Variants in SGCD observed in about 807,000 individuals in gnomAD.
SGCD encodes the protein delta-sarcoglycan.
In SGCD, 18 loss-of-function variants were observed where a neutral mutation model predicts 36.6. That is an observed-to-expected ratio of 0.49 (90% CI 0.34 to 0.73). SGCD has a LOEUF of 0.73. SGCD is among the 30% of genes least tolerant of loss of function. SGCD has a pLI of 0.01. For synonymous variants in SGCD, 133 were observed against 130.6 expected (o/e 1.02, Z -0.12); for missense variants, 387 against 346.7 (o/e 1.12, Z -0.92).
intron 1 of SGCD, among the ~76,000 whole-genome samples, chr5:155,917,538 A>G (rs1414347210): frequency 6.6e-6 from 1 of 152,248 alleles, no homozygotes; most frequent in East Asian, 1.9e-4. Flanking sequence ...CAATGGAAAT[A>G]AAACATACAG....
intron 1 of SGCD, among the ~76,000 whole-genome samples, chr5:155,941,149 T>C (rs1470078463): frequency 6.6e-6 from 1 of 152,170 alleles, no homozygotes; most frequent in Non-Finnish European, 1.5e-5. Context: ...AGAGCCGAAC[T>C]GACTTTTATA....
rs60414987 is a variant in SGCD at position 156,524,094 on chromosome 5, CTATATATATATA to C, written c.294+15434_294+15445del. On this transcript the variant is annotated intron_variant, in intron 4 of 8. Transcript: ENST00000337851. ...ATGGATGATGATAAGTGAGGTCTTA[CTATATATATATA>C]TATATATATATATATATATATATAT... is the stretch of plus-strand genomic sequence containing the variant. Among the ~76,000 whole-genome samples the C allele has an allele frequency of 9.0e-3, 365 of 40,492 alleles. 4 individuals are homozygous for C. The highest frequency in any genetic ancestry group is 9.7e-3 in the Non-Finnish European group (226 of 23,234). 26.6% of individuals were successfully genotyped at this position (40,492 alleles called of 152,430 possible).
At chr5:156,252,598 GTGT>G (rs1178046837) in intron 3 of SGCD, among the ~76,000 whole-genome samples, 1 of 152,146 alleles carries the variant, frequency 6.6e-6, no homozygotes, top group African/African-American at 2.4e-5. Context: ...TAATGCGTGA[GTGT>G]TGTTCAAACT....
chr5:155,742,703 A>G, the SGCD span, among the ~76,000 whole-genome samples: 1 of 152,186 alleles, frequency 6.6e-6, no homozygotes, highest in South Asian at 2.1e-4. Context: ...TGGGTGTCCT[A>G]TAATTCAGTT....
chr5:156,714,669 T>C (rs1414990771), intron 7 of SGCD, among the ~76,000 whole-genome samples: 3 of 152,242 alleles, frequency 2.0e-5, no homozygotes, highest in African/African-American at 7.2e-5. Flanking sequence ...AGTGCCTTGA[T>C]AAAACATAAC....
chr5:155,883,848 A>C (rs1226865915), intron 1 of SGCD, among the ~76,000 whole-genome samples: 1 of 151,780 alleles, frequency 6.6e-6, no homozygotes, highest in Non-Finnish European at 1.5e-5. Context: ...AATAATATGA[A>C]ATGCAATAAA....
At chr5:156,216,786 A>G (rs1425308380) in intron 3 of SGCD, among the ~76,000 whole-genome samples, 1 of 152,250 alleles carries the variant, frequency 6.6e-6, no homozygotes, top group African/African-American at 2.4e-5. Flanking sequence ...TGAGTATAAG[A>G]AAATGAATGT....
chr5:156,035,612 CA>C (rs1759469666), intron 1 of SGCD, among the ~76,000 whole-genome samples: 2 of 151,504 alleles, frequency 1.3e-5, no homozygotes, highest in South Asian at 4.2e-4. Context: ...GACCCTGTCT[CA>C]AAAAAATAAA....
At chr5:155,891,365 T>C (rs1225269576) in intron 1 of SGCD, among the ~76,000 whole-genome samples, 2 of 152,098 alleles carry the variant, frequency 1.3e-5, no homozygotes, top group African/African-American at 4.8e-5. Flanking sequence ...GAGCAGTAAA[T>C]GTCTATCTCC....
chr5:156,615,023 C>A (rs1288717119), intron 6 of SGCD, among the ~76,000 whole-genome samples: 1 of 152,166 alleles, frequency 6.6e-6, no homozygotes, highest in Admixed American at 6.5e-5. Flanking sequence ...TATAACTTGG[C>A]CCATTCATTT....
At chr5:156,329,859 T>C (rs1340258962) in intron 2 of SGCD, among the ~76,000 whole-genome samples, 1 of 151,568 alleles carries the variant, frequency 6.6e-6, no homozygotes, top group Non-Finnish European at 1.5e-5. Context: ...ATACTAAAAA[T>C]ACCAAAAATT....
intron 4 of SGCD, among the ~76,000 whole-genome samples, chr5:156,566,009 C>T (rs891717319): frequency 7.9e-5 from 12 of 152,112 alleles, no homozygotes; most frequent in Admixed American, 2.0e-4. Context: ...AATAAACATA[C>T]GTGTGCATGT....
At chr5:156,278,035 G>A (rs1766361158) in intron 3 of SGCD, among the ~76,000 whole-genome samples, 1 of 152,146 alleles carries the variant, frequency 6.6e-6, no homozygotes, top group Non-Finnish European at 1.5e-5. Flanking sequence ...AGGGGAGGGA[G>A]CATCAGATTG....
the SGCD span, among the ~76,000 whole-genome samples, chr5:155,758,331 T>C: frequency 3.3e-5 from 5 of 152,212 alleles, no homozygotes; most frequent in African/African-American, 1.2e-4. Flanking sequence ...GCTCTGCAGA[T>C]GTATGCTTAC....
At chr5:156,480,621 C>T (rs138643150) in intron 3 of SGCD, among the ~76,000 whole-genome samples, 103 of 152,216 alleles carry the variant, frequency 6.8e-4, no homozygotes, top group African/African-American at 2.1e-3. Context: ...GCACATGGGC[C>T]GTTATAGTAA....
chr5:156,083,966 T>G (rs1439004342), intron 1 of SGCD, among the ~76,000 whole-genome samples: 1 of 152,206 alleles, frequency 6.6e-6, no homozygotes, highest in Non-Finnish European at 1.5e-5. Flanking sequence ...TATGTGCCTA[T>G]CTCCCCAACA....
Position 155,976,214 on chromosome 5 carries a change from G to T in SGCD, c.-282+105790G>T, listed in dbSNP as rs543745585. ...TCACTAGGAAGGGCTCTCTAAAAGGGTCTTATACCATTTTGTCTCTATAAA... is the reference window on the plus strand; with the variant it reads ...TCACTAGGAAGGGCTCTCTAAAAGGTTCTTATACCATTTTGTCTCTATAAA... On this transcript the variant is annotated intron_variant, in intron 1 of 9. Transcript: ENST00000517913. Among the ~76,000 whole-genome samples, 25 of 152,196 alleles carry T rather than the reference G, an allele frequency of 1.6e-4. No individual in the cohort carries two copies. In the South Asian group the frequency reaches 4.6e-3, roughly 28 times the overall value.
At chr5:156,555,273 C>T (rs73297188) in intron 4 of SGCD, among the ~76,000 whole-genome samples, 6,556 of 152,142 alleles carry the variant, frequency 0.043, 475 homozygotes, top group African/African-American at 0.15. Context: ...TTTTTGGTGT[C>T]GTATCTAAGA....
At chr5:156,507,255 G>A (rs1316173337) in intron 3 of SGCD, among the ~76,000 whole-genome samples, 1 of 152,184 alleles carries the variant, frequency 6.6e-6, no homozygotes, top group Non-Finnish European at 1.5e-5. Context: ...AATGGAAGAA[G>A]GATACAGAAG....
Sources: gnomAD v4.1 joint callset for allele counts (sites outside exome capture counted in the v4.1 genomes callset) on GRCh38, gnomAD v4.1.1 for gene constraint, MANE v1.5 for transcripts, NCBI Gene and HGNC (gene_info 2026-07-23, HGNC 2026-07-21) for gene names.